The following GMCL1 variants were observed in gnomAD, a reference collection of about 807,000 sequenced individuals.
The protein encoded by GMCL1 is germ cell-less 1, spermatogenesis associated.
In GMCL1, 54 loss-of-function variants were observed where a neutral mutation model predicts 75.5. The ratio of observed to expected loss-of-function variants is 0.71; its 90% confidence interval spans 0.57 to 0.90. The LOEUF (loss-of-function observed/expected upper bound fraction) is 0.90. Among genes scored for constraint, GMCL1 ranks in the 40% least tolerant of loss-of-function variants. GMCL1 has a pLI of 0.00. For synonymous variants in GMCL1, 210 were observed against 209.6 expected (o/e 1.00, Z -0.02); for missense variants, 537 against 622.7 (o/e 0.86, Z 1.47).
chr2:69,870,172 A>G (rs1034049363), intron 12 of GMCL1, among the ~76,000 whole-genome samples: 13 of 151,438 alleles, frequency 8.6e-5, no homozygotes, highest in African/African-American at 2.9e-4. Context: ...GTAGCAAGGT[A>G]TGTTTCCAGG....
intron 13 of GMCL1, among the ~76,000 whole-genome samples, chr2:69,875,005 A>AG: frequency 6.6e-6 from 1 of 152,158 alleles, no homozygotes. Context: ...TCCGCCTCCC[A>AG]AAGTGCTGGG....
intron 13 of GMCL1, chr2:69,873,420 C>T (rs1479010972): frequency 6.6e-6 from 1 of 152,000 alleles, no homozygotes; most frequent in Non-Finnish European, 1.5e-5. Context: ...ATACATGTAC[C>T]ACTCAGATAC....
intron 10 of GMCL1, among the ~76,000 whole-genome samples, chr2:69,864,639 T>C (rs1311336750): frequency 6.6e-6 from 1 of 150,480 alleles, no homozygotes; most frequent in African/African-American, 2.4e-5. Context: ...CAGGTTTTTT[T>C]TCCTCTACTC....
In GMCL1 at chr2:69,847,573, A is replaced by G. The variant is rs749225068; in HGVS notation, c.789A>G (p.Ser263=). 2.5e-6 allele frequency: 4 copies of G among 1,611,142 alleles called. No homozygotes were observed. The highest frequency in any genetic ancestry group is 2.2e-5 in the East Asian group (1 of 44,768). The stretch of plus-strand genomic sequence containing the variant: ...ATGTCATGAAACAGCTCATTGGTTC[A>G]TCTAACTTATTTGTGATGCAAGTGG... ...SINVMKQLIG[S]SNLFVMQVEM... is the part of the protein sequence containing the mutation. The change falls in exon 7 of 14, where the codon TCA becomes TCG. Residue 263 remains serine (S), a synonymous_variant. Transcript: ENST00000282570.
intron 1 of GMCL1, among the ~76,000 whole-genome samples, chr2:69,830,450 C>G (rs1043538630): frequency 1.3e-5 from 2 of 152,170 alleles, no homozygotes; most frequent in Non-Finnish European, 2.9e-5. Context: ...TAGAGACGCC[C>G]GGCTGGCTGG....
rs202208900 is a variant in GMCL1, at chr2:69,836,936, AAAAT to A, written c.261-596_261-593del. Among the ~76,000 whole-genome samples the A allele has an allele frequency of 4.2e-3, 647 of 152,258 alleles. 5 individuals carry two copies. Among genetic ancestry groups the A allele is most frequent in the African/African-American group, 0.014 (569 of 41,560 alleles). ...GAGCAGTTTTAAAAACCTTTCATCT[AAAAT>A]AAATAAATAAATAATTTTAAAAAAC... On this transcript the variant is annotated intron_variant, in intron 1 of 13. Transcript: ENST00000282570.
At chr2:69,843,917 A>C (rs1675055038) in intron 5 of GMCL1, among the ~76,000 whole-genome samples, 1 of 152,182 alleles carries the variant, frequency 6.6e-6, no homozygotes, top group Non-Finnish European at 1.5e-5. Context: ...ACTCAAAATG[A>C]AGTTTTAAAA....
intron 1 of GMCL1, 58 bp downstream of exon 1, chr2:69,830,210 G>T (rs944591503): frequency 1.3e-6 from 2 of 1,510,492 alleles, no homozygotes; most frequent in Non-Finnish European, 1.8e-6. Flanking sequence ...GCCTGGGGCC[G>T]AGCCGGCGCC....
chr2:69,831,176 C>T (rs1410540679), intron 1 of GMCL1, among the ~76,000 whole-genome samples: 1 of 152,146 alleles, frequency 6.6e-6, no homozygotes, highest in Non-Finnish European at 1.5e-5. Context: ...GCCTCAGCCT[C>T]CCAAAGTGCT....
chr2:69,844,997 A>G (rs1675094450), intron 6 of GMCL1: 1 of 166,054 alleles, frequency 6.0e-6, no homozygotes, highest in Admixed American at 5.5e-5. Context: ...CGATTTGGGA[A>G]AACCTAGACC....
chr2:69,866,515 T>C (rs57278310), intron 11 of GMCL1, among the ~76,000 whole-genome samples: 81,514 of 152,068 alleles, frequency 0.54, 22,595 homozygotes, highest in East Asian at 0.67. Flanking sequence ...GTCGCCCAGG[T>C]TGGAGTGCAG....
At chr2:69,874,960 G>A (rs1179109601) in intron 13 of GMCL1, among the ~76,000 whole-genome samples, 4 of 151,814 alleles carry the variant, frequency 2.6e-5, no homozygotes, top group Non-Finnish European at 5.9e-5. Context: ...GCCTGGGCTT[G>A]TCTGGAATTC....
At position 69,844,173 on chromosome 2, in the gene GMCL1, T is replaced by C. The variant is rs17263534; in HGVS notation, c.735T>C (p.Asn245=). 0.022 allele frequency: 34,507 copies of C among 1,571,316 alleles called. 3,804 individuals are homozygous for C. In the Admixed American group the frequency reaches 0.28, roughly 13 times the overall value. The change falls in exon 6 of 14, where the codon AAT becomes AAC. Residue 245 remains asparagine, a synonymous_variant. Coordinates refer to ENST00000282570, the MANE Select transcript of GMCL1 (RefSeq NM_178439.5). ...WLLNNLMTHQ[N]VELFKELSIN... Reference sequence around the variant, plus strand: ...TAAACAATTTGATGACTCACCAGAATGTTGAACTTTTTAAAGAACTCAGGT... The same window carrying C: ...TAAACAATTTGATGACTCACCAGAACGTTGAACTTTTTAAAGAACTCAGGT...
intron 1 of GMCL1, among the ~76,000 whole-genome samples, chr2:69,834,497 TCTGA>T (rs753023972): frequency 3.3e-5 from 5 of 152,360 alleles, no homozygotes; most frequent in East Asian, 1.9e-4. Flanking sequence ...TTATTCATCC[TCTGA>T]CTGGGTATGG....
intron 13 of GMCL1, among the ~76,000 whole-genome samples, chr2:69,878,491 ATAAT>A (rs1358527150): frequency 3.3e-5 from 5 of 152,238 alleles, no homozygotes; most frequent in Non-Finnish European, 5.9e-5. Flanking sequence ...ATTTTTAAAA[ATAAT>A]TAATTAATTT....
intron 7 of GMCL1, among the ~76,000 whole-genome samples, chr2:69,847,953 G>A (rs182415593): frequency 6.6e-6 from 1 of 152,058 alleles, no homozygotes; most frequent in Non-Finnish European, 1.5e-5. Context: ...TCAAAGTTGA[G>A]CTTCAGTTAA....
At chr2:69,850,699 A>G in intron 8 of GMCL1, among the ~76,000 whole-genome samples, 1 of 152,292 alleles carries the variant, frequency 6.6e-6, no homozygotes, top group East Asian at 1.9e-4. Flanking sequence ...TGTGCTAATA[A>G]GCTGACTCTG....
intron 1 of GMCL1, 130 bp downstream of exon 1, chr2:69,830,282 G>A: frequency 2.4e-6 from 3 of 1,243,196 alleles, no homozygotes; most frequent in Non-Finnish European, 3.2e-6. Flanking sequence ...CCTTGACAGG[G>A]TGAATGTGGA....
chr2:69,838,336 CAAAAAAAAA>C (rs71397366), intron 2 of GMCL1, among the ~76,000 whole-genome samples: 31 of 31,524 alleles, frequency 9.8e-4, no homozygotes, highest in Admixed American at 1.7e-3. Context: ...GACTCTGTCT[CAAAAAAAAA>C]AAAAAAAAAA....
Sources: gnomAD v4.1 joint callset for allele counts (sites outside exome capture counted in the v4.1 genomes callset) on GRCh38, gnomAD v4.1.1 for gene constraint, MANE v1.5 for transcripts, NCBI Gene and HGNC (gene_info 2026-07-23, HGNC 2026-07-21) for gene names.